Variants in ASTN2 observed in about 807,000 individuals in gnomAD.
ASTN2 encodes the protein astrotactin 2.
A neutral mutation model predicts 139.8 loss-of-function variants in ASTN2; 54 were observed. The ratio of observed to expected loss-of-function variants is 0.39; its 90% CI spans 0.31 to 0.48. The LOEUF (loss-of-function observed/expected upper bound fraction) is 0.48. Ranked by LOEUF, ASTN2 falls within the 20% of genes least tolerant of loss-of-function variation. ASTN2 has a pLI of 0.95. For synonymous variants in ASTN2, 756 were observed against 719.5 expected (o/e 1.05, Z -0.81); for missense variants, 1,565 against 1,725.1 (o/e 0.91, Z 1.64).
At chr9:117,249,927 TCTC>T (rs1833491351) in intron 2 of ASTN2, among the ~76,000 whole-genome samples, 1 of 152,050 alleles carries the variant, frequency 6.6e-6, no homozygotes, top group African/African-American at 2.4e-5. Flanking sequence ...CGCCTACTCA[TCTC>T]CTCTCTCCCT....
At chr9:116,906,565 C>G (rs1276144730) in intron 10 of ASTN2, among the ~76,000 whole-genome samples, 1 of 152,190 alleles carries the variant, frequency 6.6e-6, no homozygotes. Flanking sequence ...ATGTTAAATA[C>G]TGTTGGTCTA....
At chr9:116,727,517 G>C (rs976705019) in intron 15 of ASTN2, among the ~76,000 whole-genome samples, 4 of 119,254 alleles carry the variant, frequency 3.4e-5, no homozygotes, top group Non-Finnish European at 7.2e-5. Context: ...TGCAGTGTGG[G>C]GTGTGGGGGG....
chr9:117,048,628 G>T (rs1350498386), intron 5 of ASTN2, among the ~76,000 whole-genome samples: 1 of 152,216 alleles, frequency 6.6e-6, no homozygotes, highest in Non-Finnish European at 1.5e-5. Flanking sequence ...ACTACAAGGT[G>T]TTGACAATGG....
chr9:116,592,797 GA>G (rs1854428750), intron 19 of ASTN2, among the ~76,000 whole-genome samples: 1 of 152,132 alleles, frequency 6.6e-6, no homozygotes, highest in African/African-American at 2.4e-5. Context: ...GAGGCCCATA[GA>G]TGGGAATCTC....
intron 5 of ASTN2, among the ~76,000 whole-genome samples, chr9:117,094,044 A>G (rs540185813): frequency 1.3e-5 from 2 of 148,308 alleles, no homozygotes; most frequent in Middle Eastern, 3.5e-3. Context: ...TGCCTAGAAG[A>G]GTGGCAGGCA....
intron 4 of ASTN2, among the ~76,000 whole-genome samples, chr9:117,127,191 C>G (rs141994321): frequency 3.3e-5 from 5 of 152,302 alleles, no homozygotes; most frequent in African/African-American, 1.2e-4. Flanking sequence ...CTTGAATTCT[C>G]TAGATCTTGT....
Position 116,942,184 on chromosome 9 carries a change from G to A in ASTN2, c.1889+33024C>T, listed in dbSNP as rs190168739. 4.6e-5 allele frequency among the ~76,000 whole-genome samples: 7 copies of A among 152,124 alleles called. No individual in the cohort carries two copies. The East Asian group carries it at 5.8e-4, about 13-fold the overall frequency. On this transcript the variant is annotated intron_variant, in intron 10 of 22. Coordinates refer to ENST00000313400, the MANE Select transcript of ASTN2 (RefSeq NM_001365068.1). ...CCTCTACCCAGTGCAGTGCGGCAAC[G>A]TGGGATAAGATTATTATCACTCAGG... is the stretch of plus-strand genomic sequence containing the variant.
At chr9:117,410,521 T>C (rs1831130942) in intron 1 of ASTN2, among the ~76,000 whole-genome samples, 1 of 152,218 alleles carries the variant, frequency 6.6e-6, no homozygotes, top group South Asian at 2.1e-4. Flanking sequence ...TTAGAGCTCA[T>C]CTACCCACTC....
intron 2 of ASTN2, among the ~76,000 whole-genome samples, chr9:117,280,134 A>G (rs187869883): frequency 6.6e-6 from 1 of 152,256 alleles, no homozygotes; most frequent in East Asian, 1.9e-4. Flanking sequence ...TATTTTGTAG[A>G]ATGCCCATCA....
At chr9:117,100,457 C>T (rs1828949561) in intron 4 of ASTN2, among the ~76,000 whole-genome samples, 1 of 152,190 alleles carries the variant, frequency 6.6e-6, no homozygotes. Context: ...TTGCATTTCA[C>T]TCAGTATATT....
chr9:117,145,771 G>A (rs1830180468), intron 3 of ASTN2, among the ~76,000 whole-genome samples: 1 of 152,136 alleles, frequency 6.6e-6, no homozygotes, highest in Admixed American at 6.5e-5. Context: ...ATTTGAAGAT[G>A]TGTTCTTTGT....
intron 19 of ASTN2, among the ~76,000 whole-genome samples, chr9:116,502,714 G>T (rs1240059350): frequency 4.3e-5 from 3 of 69,674 alleles, no homozygotes; most frequent in Admixed American, 1.7e-4. Flanking sequence ...AAGGAAGGAA[G>T]GAAGGAAGGA....
chr9:117,096,232 C>T (rs982040431), intron 4 of ASTN2, 81 bp from the exon 5 acceptor site: 283 of 1,105,258 alleles, frequency 2.6e-4, no homozygotes, highest in Admixed American at 8.1e-4. Flanking sequence ...CAGAGATCAG[C>T]AATCCCATCC....
At chr9:116,606,590 C>T (rs1038213289) in intron 19 of ASTN2, among the ~76,000 whole-genome samples, 8 of 152,174 alleles carry the variant, frequency 5.3e-5, no homozygotes, top group African/African-American at 1.9e-4. Context: ...CCTATTCTGG[C>T]CTCACCTGAC....
At chr9:117,325,567 TG>T (rs1418381809) in intron 1 of ASTN2, among the ~76,000 whole-genome samples, 1 of 152,168 alleles carries the variant, frequency 6.6e-6, no homozygotes, top group Non-Finnish European at 1.5e-5. Flanking sequence ...TCCTAAATGA[TG>T]AAGAGTGTCT....
At position 116,462,787 on chromosome 9, in the gene ASTN2, C is replaced by CGTGTGTGTGTGTGTGTGTGTGT. The variant is rs1376062376; in HGVS notation, c.3498-20235_3498-20234insACACACACACACACACACACAC. Among the ~76,000 whole-genome samples, 115 of 97,634 alleles carry CGTGTGTGTGTGTGTGTGTGTGT rather than the reference C, an allele frequency of 1.2e-3. 3 individuals are homozygous for CGTGTGTGTGTGTGTGTGTGTGT. In the East Asian group the frequency reaches 0.029, roughly 24 times the overall value. 64.1% of individuals were successfully genotyped at this position (97,634 alleles called of 152,430 possible). On this transcript the variant is annotated intron_variant, in intron 20 of 22. Transcript: ENST00000313400. ...TCTTTAAGGGTAAGTGTTGGGTGAG[C>CGTGTGTGTGTGTGTGTGTGTGT]ATGTGTGTGTGTGTGTGTGTGTGTG...
chr9:117,260,754 T>C (rs569694071), intron 2 of ASTN2, among the ~76,000 whole-genome samples: 39 of 152,288 alleles, frequency 2.6e-4, no homozygotes, highest in African/African-American at 9.4e-4. Context: ...CTCTGAACTT[T>C]AGCTTTCTCT....
intron 4 of ASTN2, among the ~76,000 whole-genome samples, chr9:117,104,876 T>C (rs1829066054): frequency 6.6e-6 from 1 of 152,204 alleles, no homozygotes; most frequent in Non-Finnish European, 1.5e-5. Context: ...TAACGTAATA[T>C]GGCCATCTCA....
intron 5 of ASTN2, among the ~76,000 whole-genome samples, chr9:117,073,063 A>G (rs1255149867): frequency 6.6e-6 from 1 of 152,228 alleles, no homozygotes. Flanking sequence ...AAAAACAGAG[A>G]AAGTCAAAGA....
Sources: gnomAD v4.1 joint callset for allele counts (sites outside exome capture counted in the v4.1 genomes callset) on GRCh38, gnomAD v4.1.1 for gene constraint, MANE v1.5 for transcripts, NCBI Gene and HGNC (gene_info 2026-07-23, HGNC 2026-07-21) for gene names.